Variants in ZFAT observed in about 807,000 individuals in gnomAD.
ZFAT encodes the protein zinc finger and AT-hook domain containing, also known as zinc finger protein ZFAT.
ZFAT carries 64 observed loss-of-function variants against 117.7 expected under a neutral mutation model. The observed-to-expected ratio is 0.54, with a 90% confidence interval of 0.44 to 0.67. The LOEUF (loss-of-function observed/expected upper bound fraction) is 0.67, where lower values mean the gene tolerates loss of function less well. Ranked by LOEUF, ZFAT falls within the 30% of genes least tolerant of loss-of-function variation. ZFAT has a pLI of 0.00. For synonymous variants in ZFAT, 679 were observed against 615.0 expected (o/e 1.10, Z -1.54); for missense variants, 1,433 against 1,584.5 (o/e 0.90, Z 1.62).
chr8:134,820,105 T>C, the ZFAT span, among the ~76,000 whole-genome samples: 1 of 152,224 alleles, frequency 6.6e-6, no homozygotes. Flanking sequence ...AGGAAGCTTA[T>C]AATCACAATT....
intron 12 of ZFAT, among the ~76,000 whole-genome samples, chr8:134,525,297 A>T (rs1157152445): frequency 2.0e-5 from 3 of 152,194 alleles, no homozygotes; most frequent in African/African-American, 7.2e-5. Context: ...AGGTCCAGTG[A>T]TGTCCCAAAG....
intron 1 of ZFAT, 42 bp from the exon 2 acceptor site, chr8:134,657,779 A>T: frequency 6.3e-7 from 1 of 1,587,358 alleles, no homozygotes; most frequent in Non-Finnish European, 8.6e-7. Flanking sequence ...TCATCTCCAC[A>T]TAAACAATTA....
At chr8:134,611,032 A>G (rs969286986) in intron 3 of ZFAT, among the ~76,000 whole-genome samples, 4 of 152,264 alleles carry the variant, frequency 2.6e-5, no homozygotes, top group South Asian at 2.1e-4. Context: ...CACTTATTCA[A>G]CTTACACTTA....
intron 1 of ZFAT, among the ~76,000 whole-genome samples, chr8:134,676,735 T>A: frequency 6.6e-6 from 1 of 152,190 alleles, no homozygotes; most frequent in South Asian, 2.1e-4. Context: ...ACGGAAATCA[T>A]AACAAACAGT....
chr8:134,509,811 C>A (rs1819680407), intron 14 of ZFAT, 62 bp from the exon 15 acceptor site: 1 of 1,528,824 alleles, frequency 6.5e-7, no homozygotes. Context: ...ACATGGAATG[C>A]AAAACCAGCC....
At chr8:134,699,163 A>AGC (rs1833948580) in intron 1 of ZFAT, among the ~76,000 whole-genome samples, 1 of 152,134 alleles carries the variant, frequency 6.6e-6, no homozygotes, top group Non-Finnish European at 1.5e-5. Context: ...CTGAGGATAA[A>AGC]GCCAGGGTCC....
chr8:134,628,653 C>T (rs1829682972), intron 3 of ZFAT, among the ~76,000 whole-genome samples: 1 of 152,100 alleles, frequency 6.6e-6, no homozygotes, highest in South Asian at 2.1e-4. Flanking sequence ...ATTATAATAC[C>T]ATGTGTGTAT....
chr8:134,776,594 C>T, the ZFAT span, among the ~76,000 whole-genome samples: 1 of 152,198 alleles, frequency 6.6e-6, no homozygotes, highest in Admixed American at 6.5e-5. Context: ...ACAGTTCCCC[C>T]CTCCTGCTCT....
At chr8:134,495,634 G>A (rs920645372) in intron 15 of ZFAT, among the ~76,000 whole-genome samples, 4 of 152,194 alleles carry the variant, frequency 2.6e-5, no homozygotes, top group Non-Finnish European at 5.9e-5. Flanking sequence ...GCTCTGCCAT[G>A]AGAGGTGGTA....
At chr8:134,635,578 G>A (rs1484376607) in intron 3 of ZFAT, among the ~76,000 whole-genome samples, 3 of 152,096 alleles carry the variant, frequency 2.0e-5, no homozygotes, top group Non-Finnish European at 4.4e-5. Flanking sequence ...GCCGGAGCAG[G>A]GGGCATGCAT....
chr8:134,512,384 CT>C, intron 14 of ZFAT, 90 bp downstream of exon 14: 1 of 1,540,358 alleles, frequency 6.5e-7, no homozygotes, highest in Non-Finnish European at 8.8e-7. Context: ...AGTAGATCAC[CT>C]GATGGACATC....
In ZFAT at chr8:134,532,021, C is replaced by A. The variant is rs143694825; in HGVS notation, c.3115+813G>T. 2.5e-3 allele frequency among the ~76,000 whole-genome samples: 380 copies of A among 152,242 alleles called. 1 individual carries two copies. The highest frequency in any genetic ancestry group is 8.8e-3 in the African/African-American group (366 of 41,536). On this transcript the variant is annotated intron_variant, in intron 12 of 15. Transcript: ENST00000377838. ...AAGAAGAGCAGCTAACTGTGTGCTG[C>A]AATCATTTTTTAGCTGAAGTATTGA...
chr8:134,511,387 T>C (rs1819830177), intron 14 of ZFAT, among the ~76,000 whole-genome samples: 1 of 152,134 alleles, frequency 6.6e-6, no homozygotes, highest in Admixed American at 6.5e-5. Flanking sequence ...GAGCCACATT[T>C]AACAGCTGGG....
At position 134,602,018 on chromosome 8, in the gene ZFAT, G is replaced by A. The variant is rs1047154021; in HGVS notation, c.1701C>T (p.Ala567=). The change falls in exon 6 of 16, where the codon GCC becomes GCT. Residue 567 remains alanine (A), a synonymous_variant. Transcript: ENST00000377838. ...APAVHLASPQ[A]ESTALPPCEL... ...CACAGGGTGGCAGGGCTGTGCTTTC[G>A]GCCTGCGGGGAGGCCAGGTGCACAG... The A allele has an allele frequency of 2.3e-5, 37 of 1,612,412 alleles. No homozygotes were observed. The highest frequency in any genetic ancestry group is 8.0e-5 in the African/African-American group (6 of 74,932).
the ZFAT span, among the ~76,000 whole-genome samples, chr8:134,781,210 C>CA: frequency 6.6e-6 from 1 of 152,148 alleles, no homozygotes; most frequent in African/African-American, 2.4e-5. Context: ...ACTGCAGTCT[C>CA]AATCTCCTGT....
intron 12 of ZFAT, among the ~76,000 whole-genome samples, chr8:134,527,718 G>A (rs574667495): frequency 6.6e-6 from 1 of 152,172 alleles, no homozygotes; most frequent in African/African-American, 2.4e-5. Flanking sequence ...TCTTCCCACA[G>A]GATCCTCAAG....
At chr8:134,613,865 A>G (rs541077345) in intron 3 of ZFAT, among the ~76,000 whole-genome samples, 9 of 152,386 alleles carry the variant, frequency 5.9e-5, no homozygotes, top group African/African-American at 2.2e-4. Context: ...GTGAAAGACC[A>G]TGATAATGCC....
At position 134,549,556 on chromosome 8, in the gene ZFAT, CAAG is replaced by C. The variant is rs1822979989; in HGVS notation, c.2976+15774_2976+15776del. Reference sequence around the variant, plus strand: ...TGCATGAATGCTCCCCACCCCGCAGCAAGAAGAATACTGATCACTAGGCCCATG... The same window carrying C: ...TGCATGAATGCTCCCCACCCCGCAGCAAGAATACTGATCACTAGGCCCATG... On this transcript the variant is annotated intron_variant, in intron 11 of 15. Coordinates refer to ENST00000377838, the MANE Select transcript of ZFAT (RefSeq NM_020863.4). Among the ~76,000 whole-genome samples the C allele has an allele frequency of 3.9e-5, 6 of 152,274 alleles. No individual in the cohort carries two copies. In the South Asian group the frequency reaches 1.2e-3, roughly 32 times the overall value.
chr8:134,764,463 C>T, the ZFAT span, among the ~76,000 whole-genome samples: 1 of 152,196 alleles, frequency 6.6e-6, no homozygotes, highest in Non-Finnish European at 1.5e-5. Context: ...TATGTAGCTC[C>T]TATACTGGAA....
Sources: gnomAD v4.1 joint callset for allele counts (sites outside exome capture counted in the v4.1 genomes callset) on GRCh38, gnomAD v4.1.1 for gene constraint, MANE v1.5 for transcripts, NCBI Gene and HGNC (gene_info 2026-07-23, HGNC 2026-07-21) for gene names.